The following GPC5 variants were observed in gnomAD, a reference collection of about 807,000 sequenced individuals.
GPC5 encodes glypican-5.
GPC5 carries 47 observed loss-of-function variants against 53.9 expected under a neutral mutation model. The ratio of observed to expected loss-of-function variants is 0.87; its 90% CI spans 0.69 to 1.11. The LOEUF (loss-of-function observed/expected upper bound fraction) is 1.11, where lower values mean the gene tolerates loss of function less well. Among genes scored for constraint, GPC5 ranks in the 50% most tolerant of loss-of-function variants. The probability of loss-of-function intolerance (pLI) is 0.00; values close to 1 mark genes in which losing one functional copy is unlikely to be tolerated. For missense variants in GPC5, 748 were observed against 713.1 expected, an observed-to-expected ratio of 1.05 and a Z score of -0.56; for synonymous variants, 286 against 263.3, an observed-to-expected ratio of 1.09 and a Z score of -0.84.
At chr13:92,692,580 A>C (rs1314973590) in intron 7 of GPC5, among the ~76,000 whole-genome samples, 1 of 150,862 alleles carries the variant, frequency 6.6e-6, no homozygotes, top group Non-Finnish European at 1.5e-5. Flanking sequence ...ACCTAATGCT[A>C]GATGATGAGT....
chr13:92,793,219 G>C (rs1476976265), intron 7 of GPC5, among the ~76,000 whole-genome samples: 2 of 152,068 alleles, frequency 1.3e-5, no homozygotes, highest in Non-Finnish European at 2.9e-5. Flanking sequence ...TTAGAACTCA[G>C]GATTAAGAAA....
intron 7 of GPC5, among the ~76,000 whole-genome samples, chr13:92,290,356 GT>G (rs1031576578): frequency 2.0e-4 from 30 of 152,202 alleles, no homozygotes; most frequent in African/African-American, 7.2e-4. Flanking sequence ...ATTTCCATAG[GT>G]TATTGAGGAA....
intron 7 of GPC5, among the ~76,000 whole-genome samples, chr13:92,785,397 A>C (rs1201421397): frequency 3.9e-5 from 6 of 152,188 alleles, no homozygotes; most frequent in Admixed American, 3.9e-4. Context: ...CAAGCTTTTA[A>C]GGCATGTCTT....
intron 7 of GPC5, among the ~76,000 whole-genome samples, chr13:92,657,148 G>A (rs1279733398): frequency 6.6e-6 from 1 of 152,154 alleles, no homozygotes. Context: ...AGCTTTGCAG[G>A]TGATGGTGGA....
At chr13:91,863,197 C>A (rs948889613) in intron 5 of GPC5, among the ~76,000 whole-genome samples, 1 of 152,070 alleles carries the variant, frequency 6.6e-6, no homozygotes, top group Non-Finnish European at 1.5e-5. Context: ...ATGGGTGCTG[C>A]ATGATTTTTT....
chr13:92,528,813 T>G (rs1881452038), intron 7 of GPC5, among the ~76,000 whole-genome samples: 2 of 151,958 alleles, frequency 1.3e-5, no homozygotes, highest in African/African-American at 4.8e-5. Flanking sequence ...AATTCTTTCT[T>G]AATAGGGTAC....
chr13:91,831,326 A>G (rs1594603084), intron 5 of GPC5, among the ~76,000 whole-genome samples: 1 of 151,672 alleles, frequency 6.6e-6, no homozygotes, highest in East Asian at 1.9e-4. Context: ...TGTCTGCTTT[A>G]TATTCCCTTG....
intron 2 of GPC5, among the ~76,000 whole-genome samples, chr13:91,499,368 A>G (rs1190169205): frequency 6.6e-6 from 1 of 152,278 alleles, no homozygotes; most frequent in Non-Finnish European, 1.5e-5. Context: ...GAAACAAGAG[A>G]GGGAGAGAAA....
chr13:92,548,660 GT>G (rs1328095440), intron 7 of GPC5, among the ~76,000 whole-genome samples: 1 of 151,960 alleles, frequency 6.6e-6, no homozygotes, highest in Non-Finnish European at 1.5e-5. Flanking sequence ...GACATAAAAA[GT>G]TTAAAACTAT....
intron 2 of GPC5, among the ~76,000 whole-genome samples, chr13:91,609,022 T>G (rs1052879762): frequency 6.8e-6 from 1 of 147,482 alleles, no homozygotes; most frequent in Non-Finnish European, 1.5e-5. Context: ...AGGCATAAAA[T>G]TTAGATTTGA....
chr13:92,068,775 A>T (rs1432826967), intron 6 of GPC5, among the ~76,000 whole-genome samples: 2 of 151,736 alleles, frequency 1.3e-5, no homozygotes, highest in Non-Finnish European at 3.0e-5. Flanking sequence ...TTATTGAAAA[A>T]ACTTAATTTG....
chr13:92,838,830 C>T (rs555677959), intron 7 of GPC5, among the ~76,000 whole-genome samples: 8 of 152,232 alleles, frequency 5.3e-5, no homozygotes, highest in African/African-American at 9.6e-5. Flanking sequence ...AAGAATTCAG[C>T]GATTACATTA....
At chr13:91,679,547 T>C (rs755488450) in intron 2 of GPC5, among the ~76,000 whole-genome samples, 5 of 152,200 alleles carry the variant, frequency 3.3e-5, no homozygotes, top group Non-Finnish European at 5.9e-5. Context: ...TTCATAATAC[T>C]GTGAAGTCAT....
At chr13:92,293,986 T>C (rs1470300720) in intron 7 of GPC5, among the ~76,000 whole-genome samples, 1 of 152,206 alleles carries the variant, frequency 6.6e-6, no homozygotes, top group Non-Finnish European at 1.5e-5. Context: ...TTATGTGGTA[T>C]ATCACATTTA....
intron 7 of GPC5, among the ~76,000 whole-genome samples, chr13:92,807,246 C>G (rs953129464): frequency 1.1e-4 from 17 of 151,894 alleles, no homozygotes; most frequent in Non-Finnish European, 1.0e-4. Flanking sequence ...ATTCACGTAC[C>G]TAAAACCAGA....
chr13:92,336,939 G>C (rs1421343794), intron 7 of GPC5, among the ~76,000 whole-genome samples: 1 of 152,074 alleles, frequency 6.6e-6, no homozygotes, highest in Non-Finnish European at 1.5e-5. Flanking sequence ...ATGTATAGCG[G>C]AATTGCCTTT....
At position 91,508,610 on chromosome 13, in the gene GPC5, G is replaced by A. The variant is rs777136566; in HGVS notation, c.325+59688G>A. On this transcript the variant is annotated intron_variant, in intron 2 of 7. Coordinates refer to ENST00000377067, the MANE Select transcript of GPC5 (RefSeq NM_004466.6). ...TTATTAAGTGCCTGCTCTGTGTCACGCCCAGGAGATATGATAGGCATATTT... is the reference window on the plus strand; with the variant it reads ...TTATTAAGTGCCTGCTCTGTGTCACACCCAGGAGATATGATAGGCATATTT... Among the ~76,000 whole-genome samples the A allele has an allele frequency of 3.9e-5, 6 of 152,220 alleles. No individual in the cohort carries two copies. In the South Asian group the frequency reaches 8.3e-4, roughly 21 times the overall value.
At chr13:92,470,136 T>C (rs532811608) in intron 7 of GPC5, among the ~76,000 whole-genome samples, 45 of 152,282 alleles carry the variant, frequency 3.0e-4, no homozygotes, top group African/African-American at 1.1e-3. Flanking sequence ...TTACTCAACC[T>C]TAGGGCATGT....
chr13:91,429,007 C>G (rs1286040062), intron 1 of GPC5, among the ~76,000 whole-genome samples: 1 of 152,114 alleles, frequency 6.6e-6, no homozygotes, highest in Admixed American at 6.5e-5. Flanking sequence ...GCAACCTCTG[C>G]CTCCTGGGTT....
Sources: allele counts gnomAD v4.1 joint callset (sites outside exome capture counted in the v4.1 genomes callset), GRCh38; gene constraint gnomAD v4.1.1; transcripts MANE v1.5; gene names NCBI Gene and HGNC (gene_info 2026-07-23, HGNC 2026-07-21).